The following MXRA5 variants were observed in gnomAD, a reference collection of about 807,000 sequenced individuals.
MXRA5 encodes the protein matrix remodeling associated 5, also known as matrix-remodeling-associated protein 5.
MXRA5 carries 41 observed loss-of-function variants against 112.5 expected under a neutral mutation model. The observed-to-expected ratio is 0.36, with a 90% CI of 0.28 to 0.47. MXRA5 has a LOEUF of 0.47. Ranked by LOEUF, MXRA5 falls within the 20% of genes least tolerant of loss-of-function variation. MXRA5 has a pLI of 0.99. For synonymous variants in MXRA5, 862 were observed against 900.8 expected (o/e 0.96, Z 0.77); for missense variants, 2,150 against 2,251.0 (o/e 0.96, Z 0.91).
At chrX:3,341,066 A>G (rs1364260439) in intron 2 of MXRA5, among the ~76,000 whole-genome samples, 7 of 22,267 alleles carry the variant, frequency 3.1e-4, no homozygotes, top group Admixed American at 1.3e-3. Context: ...ATTATATATT[A>G]TATAATATAT....
Position 3,323,151 on chromosome X carries a change from A to G in MXRA5, c.2534T>C (p.Val845Ala). ...VTSAEESSAD[V>A]PLLGEEEHVL... ...GTGCTCTTCTTCACCAAGTAGAGGTACATCTGCTGAGGATTCTTCAGCACT... is the reference window on the plus strand; with the variant it reads ...GTGCTCTTCTTCACCAAGTAGAGGTGCATCTGCTGAGGATTCTTCAGCACT... The change falls in exon 5 of 7, where the codon GTA (valine) becomes GCA (alanine). Residue 845 changes from valine to alanine, a missense_variant. By Grantham distance (64) the Val-to-Ala change is moderately conservative. This residue lies in a region of MXRA5 where 1,485 missense variants were observed against 1,471.6 expected (regional missense o/e 1.01). Coordinates refer to ENST00000217939, the MANE Select transcript of MXRA5 (RefSeq NM_015419.4). 1.7e-6 allele frequency: 2 copies of G among 1,211,622 alleles called. No homozygotes were observed. Among genetic ancestry groups the G allele is most frequent in the Non-Finnish European group, 2.2e-6 (2 of 895,459 alleles).
chrX:3,313,845 A>T (rs1403177113), intron 6 of MXRA5, among the ~76,000 whole-genome samples: 1 of 112,204 alleles, frequency 8.9e-6, no homozygotes, highest in Non-Finnish European at 1.9e-5. Flanking sequence ...GCTAAGCTGG[A>T]AGGCATTCCT....
Position 3,322,997 on chromosome X carries a change from C to T in MXRA5, c.2688G>A (p.Glu896=). ...EVVDDLSEKT[E]EITSTEGDLK... ...GGTCTCCTTCAGTGGAAGTTATCTCCTCAGTCTTCTCGGAAAGGTCATCAA... is the reference window on the plus strand; with the variant it reads ...GGTCTCCTTCAGTGGAAGTTATCTCTTCAGTCTTCTCGGAAAGGTCATCAA... Residue 896 remains glutamate, a synonymous_variant, in exon 5 of 7, where the codon GAG becomes GAA. Transcript: ENST00000217939. The T allele has an allele frequency of 8.3e-7, 1 of 1,211,356 alleles. No homozygotes were observed. Among genetic ancestry groups the T allele is most frequent in the Non-Finnish European group, 1.1e-6 (1 of 895,372 alleles).
Position 3,309,529 on chromosome X carries a change from C to T in MXRA5, c.*187G>A. ...AAGTGTCTCAGCAAGGCTGAGCCCT[C>T]CTTCTCGTGTCTGCATTGCTTCCTT... On this transcript the variant is annotated 3_prime_UTR_variant, in exon 7 of 7. Transcript: ENST00000217939. 4.5e-6 allele frequency: 2 copies of T among 441,325 alleles called. No individual in the cohort carries two copies. Among genetic ancestry groups the T allele is most frequent in the Non-Finnish European group, 7.8e-6 (2 of 256,434 alleles). The allele number at this position is 441,325 out of a possible 1,213,427, so 36.4% of individuals were successfully genotyped here.
At chrX:3,329,857 C>T (rs1304856924) in intron 4 of MXRA5, among the ~76,000 whole-genome samples, 161 bp downstream of exon 4, 10 of 111,793 alleles carry the variant, frequency 8.9e-5, no homozygotes, top group Non-Finnish European at 1.9e-4. Context: ...TAAGTGGTAA[C>T]GTTTAAAGTC....
chrX:3,346,392 G>C (rs1160534097), intron 1 of MXRA5, 123 bp downstream of exon 1: 2 of 334,658 alleles, frequency 6.0e-6, no homozygotes, highest in East Asian at 4.4e-4. Context: ...GCTGGGGAAC[G>C]GTGCAATCTG....
chrX:3,316,092 A>C (rs186374735), intron 6 of MXRA5, among the ~76,000 whole-genome samples: 62 of 41,317 alleles, frequency 1.5e-3, no homozygotes, highest in African/African-American at 0.012. Flanking sequence ...GGCGCGGCGG[A>C]TCAGGAGGTC....
At chrX:3,342,374 A>G (rs1366128994) in intron 2 of MXRA5, among the ~76,000 whole-genome samples, 2 of 111,772 alleles carry the variant, frequency 1.8e-5, no homozygotes, top group Non-Finnish European at 3.8e-5. Context: ...TAAGTAAATA[A>G]ATAAATAAAC....
Position 3,341,014 on chromosome X carries a change from C to T in MXRA5, c.188+2632G>A, listed in dbSNP as rs1360616243. On this transcript the variant is annotated intron_variant, in intron 2 of 6. Transcript: ENST00000217939. ...TATATCATGTATAATATATATTATA[C>T]ATGATATATATAATGTATAATATAT... 2.5e-3 allele frequency among the ~76,000 whole-genome samples: 169 copies of T among 67,450 alleles called. 1 individual carries two copies. Among genetic ancestry groups the T allele is most frequent in the Non-Finnish European group, 4.3e-3 (155 of 36,200 alleles). The allele number at this position is 67,450 out of a possible 115,157, so 58.6% of individuals were successfully genotyped here.
chrX:3,322,509 C>T lies in MXRA5; in HGVS notation c.3176G>A (p.Gly1059Asp). The change falls in exon 5 of 7, where the codon GGT (glycine) becomes GAT (aspartate). Residue 1059 changes from glycine (G) to aspartate (D), a missense_variant. By Grantham distance (94) the Gly-to-Asp change is moderately conservative. Transcript: ENST00000217939. ...STQDTLLIKK[G>D]MKEMSQTLQG... ...TAGTGTCTGAGACATCTCTTTCATACCCTTTTTAATCAGTAAGGTGTCTTG... is the reference window on the plus strand; with the variant it reads ...TAGTGTCTGAGACATCTCTTTCATATCCTTTTTAATCAGTAAGGTGTCTTG... The T allele has an allele frequency of 8.3e-7, 1 of 1,211,159 alleles. No individual in the cohort carries two copies.
chrX:3,312,883 C>A (rs904876901), intron 6 of MXRA5, among the ~76,000 whole-genome samples: 2 of 111,662 alleles, frequency 1.8e-5, no homozygotes, highest in African/African-American at 6.5e-5. Context: ...CTCCATTTTT[C>A]TAATGGCATG....
rs1482855408 is a variant in MXRA5 at position 3,322,007 on chromosome X, G to A, written c.3678C>T (p.Ser1226=). 8.3e-7 allele frequency: 1 copy of A among 1,211,579 alleles called. No individual in the cohort carries two copies. The highest frequency in any genetic ancestry group is 1.1e-6 in the Non-Finnish European group (1 of 895,499). ...LEMEKNAEPT[S]KGTPRRKHGK... is the part of the protein sequence containing the mutation. Reference sequence around the variant, plus strand: ...CGTGTTTTCTCCGTGGTGTTCCCTTGGATGTGGGTTCTGCATTCTTCTCCA... The same window carrying A: ...CGTGTTTTCTCCGTGGTGTTCCCTTAGATGTGGGTTCTGCATTCTTCTCCA... The change falls in exon 5 of 7, where the codon TCC becomes TCT. Residue 1226 remains serine, a synonymous_variant. Coordinates refer to ENST00000217939, the MANE Select transcript of MXRA5 (RefSeq NM_015419.4).
intron 4 of MXRA5, among the ~76,000 whole-genome samples, chrX:3,325,318 T>C (rs1313085457): frequency 9.0e-6 from 1 of 110,702 alleles, no homozygotes; most frequent in Non-Finnish European, 1.9e-5. Flanking sequence ...TGTGAAAGTT[T>C]AGGAGAATCT....
chrX:3,317,103 C>T lies in MXRA5; in HGVS notation c.6578G>A (p.Ser2193Asn), dbSNP rs1921156641. 5 of 1,153,344 alleles carry T rather than the reference C, an allele frequency of 4.3e-6. No homozygotes were observed. The highest frequency in any genetic ancestry group is 4.6e-6 in the Non-Finnish European group (4 of 865,079). The change falls in exon 6 of 7, where the codon AGT (serine) becomes AAT (asparagine). Residue 2193 changes from serine to asparagine, a missense_variant and splice_region_variant. Coordinates refer to ENST00000217939, the MANE Select transcript of MXRA5 (RefSeq NM_015419.4). The part of the protein sequence containing the change: ...PSKRMIDALF[S>N]FDSRIKVFAN... ...CAGGAAGCCACGCAGAGCTGCCTAC[C>T]TGAAGAGCGCGTCGATCATCCTCTT...
rs146747759 is a variant in MXRA5, at chrX:3,343,772, G to T, written c.62C>A (p.Pro21Gln). 315 of 1,209,542 alleles carry T rather than the reference G, an allele frequency of 2.6e-4. No homozygotes were observed. The African/African-American group carries it at 4.9e-3, about 19-fold the overall frequency. Residue 21 changes from proline (P) to glutamine (Q), a missense_variant, in exon 2 of 7, where the codon CCG becomes CAG. Around this residue, in one of 6 missense-constraint regions of MXRA5, gnomAD observed 386 missense variants for 411.0 expected, o/e 0.94. Transcript: ENST00000217939. ...ATGCGGGCAGGCCAGCGCCACTCGC[G>T]GATGGCCCCAAAGCAGGATCAGCAC... ...SVVLILLWGH[P>Q]RVALACPHPC...
In MXRA5 at chrX:3,324,503, C is replaced by A. The variant is rs372944318; in HGVS notation, c.1182G>T (p.Glu394Asp). 101 of 1,209,561 alleles carry A rather than the reference C, an allele frequency of 8.4e-5. No homozygotes were observed. The highest frequency in any genetic ancestry group is 1.1e-4 in the Non-Finnish European group (100 of 895,255). ...YSEVPVKLHR[E>D]LMLSKDPRVS... ...CTCTGGGGTCTTTGCTGAGCATGAG[C>A]TCTCTGTGTAGCTTCACGGGAACTT... The change falls in exon 5 of 7, where the codon GAG becomes GAT. Residue 394 changes from glutamate (E) to aspartate (D), a missense_variant. This residue lies in a region of MXRA5 where 386 missense variants were observed against 411.0 expected (regional missense o/e 0.94). Coordinates refer to ENST00000217939, the MANE Select transcript of MXRA5 (RefSeq NM_015419.4).
Position 3,322,084 on chromosome X carries a change from C to A in MXRA5, c.3601G>T (p.Val1201Phe). The part of the protein sequence containing the change: ...KISSQVESSL[V>F]PTAWVDNTVN... ...GTGTTATCCACCCAAGCTGTAGGAA[C>A]CAGAGAACTCTCCACTTGACTTGAA... is the stretch of plus-strand genomic sequence containing the variant. The change falls in exon 5 of 7, where the codon GTT becomes TTT. Residue 1201 changes from valine to phenylalanine, a missense_variant. Around this residue, in one of 6 missense-constraint regions of MXRA5, gnomAD observed 1,485 missense variants for 1,471.6 expected, o/e 1.01. Coordinates refer to ENST00000217939, the MANE Select transcript of MXRA5 (RefSeq NM_015419.4). 28 of 1,210,878 alleles carry A rather than the reference C, an allele frequency of 2.3e-5. No homozygotes were observed. Among genetic ancestry groups the A allele is most frequent in the Non-Finnish European group, 3.1e-5 (28 of 895,176 alleles).
At chrX:3,316,095 A>ACGCCTGTAATCCCAGCATTTTG (rs1569181563) in intron 6 of MXRA5, among the ~76,000 whole-genome samples, 35 of 49,283 alleles carry the variant, frequency 7.1e-4, no homozygotes, top group African/African-American at 4.2e-3. Context: ...GCGGCGGATC[A>ACGCCTGTAATCCCAGCATTTTG]GGAGGTCAGG....
Position 3,320,005 on chromosome X carries a change from T to C in MXRA5, c.5677+3A>G. ...AAAAAAAGTAGATGCTTAAACATCT[T>C]ACCTGTGGAAACCTTTGTCCAAGTA... On this transcript the variant is annotated splice_donor_region_variant and intron_variant, in intron 5 of 6. Transcript: ENST00000217939. The C allele has an allele frequency of 1.7e-6, 2 of 1,179,125 alleles. No homozygotes were observed. The highest frequency in any genetic ancestry group is 2.3e-6 in the Non-Finnish European group (2 of 878,016).
Sources: allele counts gnomAD v4.1 joint callset (sites outside exome capture counted in the v4.1 genomes callset), GRCh38; gene constraint gnomAD v4.1.1; regional missense constraint gnomAD v4.1.1; transcripts MANE v1.5; gene names NCBI Gene and HGNC (gene_info 2026-07-23, HGNC 2026-07-21).